Variants in TRIQK observed in about 807,000 individuals in gnomAD.
The protein encoded by TRIQK is triple QxxK/R motif containing.
A neutral mutation model predicts 10.8 loss-of-function variants in TRIQK; 10 were observed. That is an observed-to-expected ratio of 0.92 (90% CI 0.57 to 1.57). The LOEUF is 1.57. TRIQK is among the 40% of genes most tolerant of loss of function. TRIQK has a pLI of 0.00. For synonymous variants in TRIQK, 33 were observed against 33.7 expected (o/e 0.98, Z 0.07); for missense variants, 107 against 97.7 (o/e 1.09, Z -0.40).
chr8:92,895,412 G>A (rs558290772), intron 3 of TRIQK, among the ~76,000 whole-genome samples: 73 of 152,270 alleles, frequency 4.8e-4, no homozygotes, highest in African/African-American at 1.4e-3. Context: ...AATGTGCAAT[G>A]GGGAGGGGCT....
chr8:92,965,015 T>C (rs563218877), intron 1 of TRIQK: 2 of 152,304 alleles, frequency 1.3e-5, no homozygotes, highest in East Asian at 3.9e-4. Context: ...GGAATGTTTG[T>C]TGTGCTGAAT....
chr8:92,957,915 C>G (rs749454234), intron 1 of TRIQK, among the ~76,000 whole-genome samples: 17 of 151,916 alleles, frequency 1.1e-4, no homozygotes, highest in Non-Finnish European at 2.4e-4. Flanking sequence ...CCTGTGTATA[C>G]CTCAGTACAA....
At chr8:92,979,943 A>T (rs1812969875) in intron 1 of TRIQK, among the ~76,000 whole-genome samples, 1 of 152,096 alleles carries the variant, frequency 6.6e-6, no homozygotes, top group South Asian at 2.1e-4. Flanking sequence ...AACTGTATAT[A>T]TCATTTTATT....
intron 2 of TRIQK, among the ~76,000 whole-genome samples, chr8:92,928,405 T>C (rs559370590): frequency 4.6e-5 from 7 of 152,226 alleles, no homozygotes; most frequent in Middle Eastern, 3.4e-3. Context: ...CACCTATTCA[T>C]TGGGAGCAAC....
chr8:92,985,493 A>T (rs1563672843), intron 1 of TRIQK, among the ~76,000 whole-genome samples: 2 of 152,146 alleles, frequency 1.3e-5, no homozygotes, highest in Non-Finnish European at 2.9e-5. Context: ...GGTACAAAAA[A>T]TTGGGGGATA....
intron 1 of TRIQK, among the ~76,000 whole-genome samples, chr8:93,010,919 G>A (rs1353188844): frequency 3.9e-5 from 6 of 151,950 alleles, no homozygotes; most frequent in South Asian, 2.1e-4. Flanking sequence ...TATGCTATTT[G>A]AAAGAAGAAT....
intron 3 of TRIQK, among the ~76,000 whole-genome samples, chr8:92,906,923 G>C (rs754418386): frequency 3.3e-5 from 5 of 151,808 alleles, no homozygotes; most frequent in Middle Eastern, 3.4e-3. Context: ...ACTGGACTTA[G>C]TGAACAGCAG....
At chr8:92,956,084 T>G (rs1173433975) in intron 1 of TRIQK, among the ~76,000 whole-genome samples, 2 of 151,602 alleles carry the variant, frequency 1.3e-5, no homozygotes, top group Non-Finnish European at 3.0e-5. Flanking sequence ...TGAAAACATC[T>G]CCACACAAAA....
rs77875412 is a variant in TRIQK, at chr8:93,003,243, C to T, written c.-181+14366G>A. Among the ~76,000 whole-genome samples the T allele has an allele frequency of 5.6e-4, 82 of 147,674 alleles. No homozygotes were observed. In the East Asian group the frequency reaches 0.014, roughly 25 times the overall value. On this transcript the variant is annotated intron_variant, in intron 1 of 4. Transcript: ENST00000520686. The stretch of plus-strand genomic sequence containing the variant: ...TACAGGAGGCATGGCTGGGTGGGGG[C>T]GGTGCTCAGGTAGCTTACAATCATG...
intron 1 of TRIQK, among the ~76,000 whole-genome samples, chr8:92,978,051 C>T (rs749059278): frequency 6.6e-6 from 1 of 151,936 alleles, no homozygotes; most frequent in African/African-American, 2.4e-5. Context: ...AGATTATTTC[C>T]TCATATTCAT....
intron 1 of TRIQK, among the ~76,000 whole-genome samples, chr8:92,976,677 T>C (rs1449180421): frequency 6.6e-6 from 1 of 152,014 alleles, no homozygotes; most frequent in African/African-American, 2.4e-5. Context: ...CATCTTGCTG[T>C]TTATTTTCTA....
intron 1 of TRIQK, among the ~76,000 whole-genome samples, chr8:92,976,514 G>C (rs72677468): frequency 0.043 from 6,605 of 151,880 alleles, 199 homozygotes; most frequent in Non-Finnish European, 0.066. Flanking sequence ...TAACCAATTT[G>C]TGTCTTTATA....
intron 1 of TRIQK, among the ~76,000 whole-genome samples, chr8:92,981,916 A>G (rs959479223): frequency 9.9e-5 from 15 of 151,924 alleles, no homozygotes; most frequent in Middle Eastern, 3.4e-3. Flanking sequence ...ATTGAAATAG[A>G]AAGAGAGGGT....
At chr8:92,981,042 A>G (rs1812981045) in intron 1 of TRIQK, among the ~76,000 whole-genome samples, 1 of 151,652 alleles carries the variant, frequency 6.6e-6, no homozygotes, top group African/African-American at 2.4e-5. Flanking sequence ...TGGAGTATAC[A>G]TTTTGATAAA....
intron 1 of TRIQK, among the ~76,000 whole-genome samples, chr8:92,957,540 C>T (rs937156922): frequency 6.6e-6 from 1 of 151,720 alleles, no homozygotes; most frequent in Non-Finnish European, 1.5e-5. Flanking sequence ...TCCAAACAAA[C>T]GTATTAATTT....
chr8:92,902,737 A>C (rs937398586), intron 3 of TRIQK, among the ~76,000 whole-genome samples: 3 of 152,086 alleles, frequency 2.0e-5, no homozygotes, highest in African/African-American at 7.2e-5. Context: ...TCCTTTAATT[A>C]GTATGTTTAG....
intron 1 of TRIQK, among the ~76,000 whole-genome samples, chr8:92,962,724 G>A (rs1055470144): frequency 1.8e-4 from 27 of 152,196 alleles, no homozygotes; most frequent in Non-Finnish European, 7.4e-5. Flanking sequence ...TTACTCCACC[G>A]GTAGAGCTAA....
chr8:92,945,536 T>A (rs141160673), intron 2 of TRIQK, among the ~76,000 whole-genome samples: 1 of 152,324 alleles, frequency 6.6e-6, no homozygotes, highest in Non-Finnish European at 1.5e-5. Context: ...TTCCTCAATC[T>A]AACTGACTTG....
intron 2 of TRIQK, among the ~76,000 whole-genome samples, chr8:92,921,871 G>A (rs1484372944): frequency 6.6e-6 from 1 of 151,728 alleles, no homozygotes; most frequent in African/African-American, 2.4e-5. Flanking sequence ...AGACAAAATT[G>A]TATTGTTTAT....
Sources: allele counts gnomAD v4.1 joint callset (sites outside exome capture counted in the v4.1 genomes callset), GRCh38; gene constraint gnomAD v4.1.1; transcripts MANE v1.5; gene names NCBI Gene and HGNC (gene_info 2026-07-23, HGNC 2026-07-21).